Variants in UBE2U observed in about 807,000 individuals in gnomAD.
UBE2U encodes ubiquitin-conjugating enzyme E2 U.
UBE2U carries 39 observed loss-of-function variants against 41.2 expected under a neutral mutation model. The observed-to-expected ratio is 0.95, with a 90% confidence interval of 0.73 to 1.24. UBE2U has a LOEUF of 1.24. Ranked by LOEUF, UBE2U falls within the 50% of genes most tolerant of loss-of-function variation. UBE2U has a pLI of 0.00. For missense variants in UBE2U, 336 were observed against 363.1 expected (o/e 0.93, Z 0.61); for synonymous variants, 107 against 117.8 (o/e 0.91, Z 0.60).
chr1:64,231,667 A>C (rs1644569039), intron 6 of UBE2U, among the ~76,000 whole-genome samples: 1 of 152,198 alleles, frequency 6.6e-6, no homozygotes, highest in Non-Finnish European at 1.5e-5. Context: ...TTAAAAGTTG[A>C]GTCAAATACT....
rs962239866 is a variant in UBE2U at position 64,222,127 on chromosome 1, C to T, written c.506+1220C>T. Among the ~76,000 whole-genome samples the T allele has an allele frequency of 9.4e-5, 14 of 148,788 alleles. No individual in the cohort carries two copies. The East Asian group carries it at 2.4e-3, about 25-fold the overall frequency. ...AAAAAAAACACAAAAACTTAAGTGG[C>T]TTATCTTCATGAAAAAATGTTGAAA... On this transcript the variant is annotated intron_variant, in intron 6 of 9. Coordinates refer to ENST00000371077, the MANE Select transcript of UBE2U (RefSeq NM_001366232.2).
chr1:64,239,175 G>GAAGAAGAAGAAGAAGAAGAAGAAGAAGAA (rs1644781698), intron 7 of UBE2U, among the ~76,000 whole-genome samples: 2 of 95,408 alleles, frequency 2.1e-5, no homozygotes, highest in African/African-American at 9.4e-5. Flanking sequence ...AGAAGAAGAA[G>GAAGAAGAAGAAGAAGAAGAAGAAGAAGAA]AAGAAGAAGA....
chr1:64,229,685 G>T (rs893476709), intron 6 of UBE2U, among the ~76,000 whole-genome samples: 1 of 152,180 alleles, frequency 6.6e-6, no homozygotes, highest in African/African-American at 2.4e-5. Flanking sequence ...GGCTTTCGTT[G>T]TGGCTGGGAT....
chr1:64,217,015 C>T (rs1652071393), intron 5 of UBE2U, among the ~76,000 whole-genome samples: 1 of 152,178 alleles, frequency 6.6e-6, no homozygotes, highest in African/African-American at 2.4e-5. Flanking sequence ...CAGTTGGGTG[C>T]CCAGCTGATC....
In UBE2U at chr1:64,252,503, AG is replaced by A. The variant is rs564657145; in HGVS notation, c.678-8099del. On this transcript the variant is annotated intron_variant, in intron 8 of 9. Transcript: ENST00000371077. Reference sequence around the variant, plus strand: ...CACCTCCTACAGGAGTGTTTGGGACAGCAATAGGTCAGTATCCCTCTAGGAT... The same window carrying A: ...CACCTCCTACAGGAGTGTTTGGGACACAATAGGTCAGTATCCCTCTAGGAT... 2.1e-3 allele frequency among the ~76,000 whole-genome samples: 324 copies of A among 152,292 alleles called. 3 individuals are homozygous for A. The highest frequency in any genetic ancestry group is 7.5e-3 in the African/African-American group (312 of 41,560).
intron 6 of UBE2U, among the ~76,000 whole-genome samples, chr1:64,223,565 G>T (rs1283674879): frequency 6.6e-6 from 1 of 152,104 alleles, no homozygotes; most frequent in East Asian, 1.9e-4. Context: ...TCCATCTCTG[G>T]GGCCTCTTTT....
intron 6 of UBE2U, among the ~76,000 whole-genome samples, chr1:64,224,456 C>T (rs772359082): frequency 3.3e-5 from 5 of 152,192 alleles, no homozygotes; most frequent in Non-Finnish European, 5.9e-5. Context: ...GGTGCAGTGG[C>T]TCTTGCCTGT....
chr1:64,225,155 T>C (rs1652782496), intron 6 of UBE2U, among the ~76,000 whole-genome samples: 1 of 152,214 alleles, frequency 6.6e-6, no homozygotes, highest in Admixed American at 6.6e-5. Context: ...GTAATTATAA[T>C]AACTTTAGTC....
At chr1:64,244,870 T>C (rs1035813713) in intron 8 of UBE2U, among the ~76,000 whole-genome samples, 1 of 152,152 alleles carries the variant, frequency 6.6e-6, no homozygotes, top group African/African-American at 2.4e-5. Context: ...TTAATGTTAG[T>C]TGAAAAACGC....
intron 6 of UBE2U, among the ~76,000 whole-genome samples, chr1:64,222,068 G>A (rs1236071888): frequency 2.8e-5 from 4 of 141,400 alleles, no homozygotes; most frequent in South Asian, 2.3e-4. Context: ...CTCCAGCCTG[G>A]GCGACAGAGA....
At chr1:64,229,150 C>T (rs972047519) in intron 6 of UBE2U, among the ~76,000 whole-genome samples, 3 of 151,798 alleles carry the variant, frequency 2.0e-5, no homozygotes, top group African/African-American at 7.3e-5. Flanking sequence ...TGAGCCACTG[C>T]GCCTGGCCTA....
intron 8 of UBE2U, among the ~76,000 whole-genome samples, chr1:64,251,473 ACT>A (rs1174398467): frequency 6.6e-6 from 1 of 152,154 alleles, no homozygotes; most frequent in East Asian, 1.9e-4. Flanking sequence ...AAAAGAGAAA[ACT>A]CAGAACAGGG....
chr1:64,205,191 T>G (rs1651217520), intron 1 of UBE2U, among the ~76,000 whole-genome samples: 1 of 152,238 alleles, frequency 6.6e-6, no homozygotes, highest in Non-Finnish European at 1.5e-5. Context: ...AACTTTGCTT[T>G]TATATACAAG....
intron 8 of UBE2U, among the ~76,000 whole-genome samples, chr1:64,257,332 T>C (rs190480175): frequency 6.6e-6 from 1 of 152,252 alleles, no homozygotes; most frequent in Non-Finnish European, 1.5e-5. Flanking sequence ...TGCAGCACTA[T>C]TCACAAGAGC....
intron 5 of UBE2U, among the ~76,000 whole-genome samples, chr1:64,218,610 A>G (rs2100307038): frequency 6.6e-6 from 1 of 152,278 alleles, no homozygotes; most frequent in Admixed American, 6.5e-5. Context: ...TAATATTTCT[A>G]GGCTTTTCGG....
At chr1:64,222,084 T>C (rs1570005608) in intron 6 of UBE2U, among the ~76,000 whole-genome samples, 2 of 85,396 alleles carry the variant, frequency 2.3e-5, no homozygotes, top group African/African-American at 1.2e-4. Context: ...AGAGAGAGAC[T>C]CCATCTCAAA....
At chr1:64,231,012 T>C (rs1217331519) in intron 6 of UBE2U, among the ~76,000 whole-genome samples, 3 of 152,342 alleles carry the variant, frequency 2.0e-5, no homozygotes, top group South Asian at 2.1e-4. Context: ...TCTCTTTTTT[T>C]AAGGGGCTGT....
chr1:64,226,173 A>G (rs1652853276), intron 6 of UBE2U, among the ~76,000 whole-genome samples: 1 of 152,246 alleles, frequency 6.6e-6, no homozygotes, highest in Non-Finnish European at 1.5e-5. Flanking sequence ...ATAGAATACT[A>G]TCAGCAAATA....
chr1:64,247,294 C>T (rs755920362), intron 8 of UBE2U, among the ~76,000 whole-genome samples: 6 of 152,088 alleles, frequency 3.9e-5, no homozygotes, highest in Non-Finnish European at 5.9e-5. Flanking sequence ...GTGGAACCAC[C>T]CCTACTATAA....
Sources: allele counts gnomAD v4.1 joint callset (sites outside exome capture counted in the v4.1 genomes callset), GRCh38; gene constraint gnomAD v4.1.1; transcripts MANE v1.5; gene names NCBI Gene and HGNC (gene_info 2026-07-23, HGNC 2026-07-21).